Variants in NELL1 observed in about 807,000 individuals in gnomAD.
NELL1 encodes the protein protein kinase C-binding protein NELL1.
NELL1 carries 76 observed loss-of-function variants against 107.4 expected under a neutral mutation model. That is an observed-to-expected ratio of 0.71 (90% CI 0.59 to 0.86). The LOEUF (loss-of-function observed/expected upper bound fraction) is 0.86. Ranked by LOEUF, NELL1 falls within the 40% of genes least tolerant of loss-of-function variation. NELL1 has a pLI of 0.00. For missense variants in NELL1, 1,024 were observed against 1,005.5 expected (o/e 1.02, Z -0.25); for synonymous variants, 353 against 341.2 (o/e 1.03, Z -0.38).
chr11:20,859,180 C>T (rs1213494130), intron 4 of NELL1, among the ~76,000 whole-genome samples: 4 of 152,192 alleles, frequency 2.6e-5, no homozygotes, highest in Non-Finnish European at 5.9e-5. Context: ...ACAGCTTGCC[C>T]TGGCATGCAC....
chr11:20,689,526 A>G (rs912921006), intron 2 of NELL1, among the ~76,000 whole-genome samples: 1 of 144,672 alleles, frequency 6.9e-6, no homozygotes, highest in Non-Finnish European at 1.5e-5. Context: ...ATGAGTGAGA[A>G]CATGCGGTGT....
intron 11 of NELL1, among the ~76,000 whole-genome samples, chr11:20,958,197 C>T (rs1372257980): frequency 1.3e-5 from 2 of 152,006 alleles, no homozygotes; most frequent in Admixed American, 6.6e-5. Flanking sequence ...GTGGGGAAAT[C>T]GCTTGAGCCT....
chr11:20,873,767 CTTTTT>C (rs34217570), intron 4 of NELL1, among the ~76,000 whole-genome samples: 2 of 135,732 alleles, frequency 1.5e-5, no homozygotes, highest in African/African-American at 5.5e-5. Context: ...GAATATTTGA[CTTTTT>C]TTTTTTTTTT....
chr11:21,211,366 C>T (rs929417645), intron 13 of NELL1, among the ~76,000 whole-genome samples: 1 of 152,072 alleles, frequency 6.6e-6, no homozygotes, highest in Non-Finnish European at 1.5e-5. Context: ...ATTGTGCTTG[C>T]AGCTTAGCAG....
chr11:21,381,501 C>T (rs1851605795), intron 15 of NELL1, among the ~76,000 whole-genome samples: 1 of 151,854 alleles, frequency 6.6e-6, no homozygotes, highest in African/African-American at 2.4e-5. Flanking sequence ...ACTTAAAATA[C>T]CTGGTAGAAA....
At chr11:20,840,799 G>A (rs143484136) in intron 3 of NELL1, among the ~76,000 whole-genome samples, 430 of 152,348 alleles carry the variant, frequency 2.8e-3, no homozygotes, top group African/African-American at 9.7e-3. Flanking sequence ...GGTAAGGAAT[G>A]TGAAATTCGC....
chr11:20,891,378 G>T (rs1423296803), intron 5 of NELL1, among the ~76,000 whole-genome samples: 1 of 152,074 alleles, frequency 6.6e-6, no homozygotes, highest in Non-Finnish European at 1.5e-5. Flanking sequence ...AATATGGAAA[G>T]GAAAAACTGG....
chr11:20,715,561 A>G (rs1564876588), intron 2 of NELL1, among the ~76,000 whole-genome samples: 1 of 152,204 alleles, frequency 6.6e-6, no homozygotes, highest in Non-Finnish European at 1.5e-5. Flanking sequence ...TACTTCACGA[A>G]AGTGGAAAGG....
intron 11 of NELL1, among the ~76,000 whole-genome samples, chr11:20,950,983 T>G (rs1338168478): frequency 6.6e-6 from 1 of 152,232 alleles, no homozygotes; most frequent in East Asian, 1.9e-4. Flanking sequence ...AATTACCCTA[T>G]GACGGTATCA....
At chr11:21,002,249 C>T (rs1480331203) in intron 12 of NELL1, among the ~76,000 whole-genome samples, 1 of 91,364 alleles carries the variant, frequency 1.1e-5, no homozygotes, top group Non-Finnish European at 2.1e-5. Context: ...CCATAAAAGG[C>T]TTTAGACTAG....
intron 2 of NELL1, among the ~76,000 whole-genome samples, chr11:20,743,586 T>A (rs1028391519): frequency 6.6e-6 from 1 of 152,136 alleles, no homozygotes; most frequent in Non-Finnish European, 1.5e-5. Context: ...GAGCCTTGAG[T>A]CTTCTCTAGG....
At chr11:21,276,053 C>A (rs1451249231) in intron 14 of NELL1, among the ~76,000 whole-genome samples, 1 of 152,066 alleles carries the variant, frequency 6.6e-6, no homozygotes, top group Non-Finnish European at 1.5e-5. Flanking sequence ...CTGGCCAGGG[C>A]AATCAGGCAG....
At chr11:21,074,772 C>G (rs1854095998) in intron 12 of NELL1, among the ~76,000 whole-genome samples, 2 of 151,962 alleles carry the variant, frequency 1.3e-5, no homozygotes, top group Non-Finnish European at 2.9e-5. Context: ...CAGGATAATT[C>G]TGATGTGCAG....
chr11:20,752,463 C>G (rs1454088505), intron 2 of NELL1, among the ~76,000 whole-genome samples: 1 of 152,180 alleles, frequency 6.6e-6, no homozygotes, highest in Non-Finnish European at 1.5e-5. Flanking sequence ...GCAGGAGAAT[C>G]ACTTGAACCC....
chr11:21,323,345 T>C (rs1850056150), intron 14 of NELL1, among the ~76,000 whole-genome samples: 1 of 152,174 alleles, frequency 6.6e-6, no homozygotes, highest in African/African-American at 2.4e-5. Context: ...ACAGGAACTC[T>C]AATTTATTGC....
chr11:20,746,566 TCACACACACA>T (rs10556247), intron 2 of NELL1, among the ~76,000 whole-genome samples: 74,745 of 149,198 alleles, frequency 0.5, 21,575 homozygotes, highest in East Asian at 0.76. Context: ...GTGACAGATT[TCACACACACA>T]CACACACACA....
intron 3 of NELL1, among the ~76,000 whole-genome samples, chr11:20,785,654 C>T (rs75153299): frequency 0.012 from 1,876 of 152,318 alleles, 44 homozygotes; most frequent in African/African-American, 0.043. Context: ...GTTTCAGAGT[C>T]AGTCTGATGG....
chr11:20,946,933 T>C (rs76378903), intron 10 of NELL1, among the ~76,000 whole-genome samples: 9,439 of 152,230 alleles, frequency 0.062, 410 homozygotes, highest in East Asian at 0.23. Context: ...ACATAACTTC[T>C]GAACATTGCT....
At chr11:20,750,463 G>T (rs1316398875) in intron 2 of NELL1, among the ~76,000 whole-genome samples, 1 of 151,740 alleles carries the variant, frequency 6.6e-6, no homozygotes, top group Non-Finnish European at 1.5e-5. Flanking sequence ...GTGGCTTTTT[G>T]TGTCTTTTCT....
Sources: allele counts gnomAD v4.1 joint callset (sites outside exome capture counted in the v4.1 genomes callset), GRCh38; gene constraint gnomAD v4.1.1; transcripts MANE v1.5; gene names NCBI Gene and HGNC (gene_info 2026-07-23, HGNC 2026-07-21).